Variants in ADAMTSL3 observed in about 807,000 individuals in gnomAD.
ADAMTSL3 encodes the protein ADAMTS-like protein 3.
A neutral mutation model predicts 201.7 loss-of-function variants in ADAMTSL3; 128 were observed. The observed-to-expected ratio is 0.63, with a 90% CI of 0.55 to 0.73. The LOEUF is 0.73. Ranked by LOEUF, ADAMTSL3 falls within the 30% of genes least tolerant of loss-of-function variation. The pLI is 0.00. For synonymous variants in ADAMTSL3, 738 were observed against 748.4 expected, an observed-to-expected ratio of 0.99 and a Z score of 0.23; for missense variants, 1,990 against 2,119.6, an observed-to-expected ratio of 0.94 and a Z score of 1.20.
chr15:83,669,799 C>T (rs2061303939), intron 2 of ADAMTSL3, among the ~76,000 whole-genome samples: 1 of 151,758 alleles, frequency 6.6e-6, no homozygotes, highest in African/African-American at 2.4e-5. Flanking sequence ...ATAATCTACT[C>T]TACTGTTGTG....
intron 4 of ADAMTSL3, among the ~76,000 whole-genome samples, chr15:83,782,228 G>C (rs1320573404): frequency 6.6e-6 from 1 of 152,150 alleles, no homozygotes; most frequent in East Asian, 1.9e-4. Context: ...TGTAATCCCA[G>C]CACTTTGGGA....
chr15:83,711,655 G>A (rs2141532705), intron 3 of ADAMTSL3, among the ~76,000 whole-genome samples: 1 of 152,376 alleles, frequency 6.6e-6, no homozygotes, highest in Middle Eastern at 3.4e-3. Context: ...CTTGTACTGT[G>A]TTCACAGTTC....
intron 19 of ADAMTSL3, among the ~76,000 whole-genome samples, chr15:83,946,915 A>G (rs1258589442): frequency 6.6e-6 from 1 of 152,168 alleles, no homozygotes; most frequent in African/African-American, 2.4e-5. Flanking sequence ...GGAAGCCCCT[A>G]TCTGGGAGGA....
At chr15:83,909,438 T>G (rs1240003662) in intron 15 of ADAMTSL3, among the ~76,000 whole-genome samples, 1 of 152,184 alleles carries the variant, frequency 6.6e-6, no homozygotes, top group Non-Finnish European at 1.5e-5. Context: ...TGAGCAGCTT[T>G]TCTGTTTCAT....
intron 7 of ADAMTSL3, among the ~76,000 whole-genome samples, chr15:83,845,361 A>G (rs528545455): frequency 6.6e-6 from 1 of 152,336 alleles, no homozygotes; most frequent in East Asian, 1.9e-4. Flanking sequence ...GAGCTCAGTT[A>G]ATGTTGAACA....
At chr15:83,708,456 A>C (rs1048578367) in intron 3 of ADAMTSL3, among the ~76,000 whole-genome samples, 9 of 152,336 alleles carry the variant, frequency 5.9e-5, no homozygotes, top group Non-Finnish European at 1.5e-5. Context: ...TGTAGGCTGC[A>C]TTTAATGGGA....
At chr15:83,756,939 T>A (rs2062731051) in intron 3 of ADAMTSL3, among the ~76,000 whole-genome samples, 1 of 152,208 alleles carries the variant, frequency 6.6e-6, no homozygotes, top group Non-Finnish European at 1.5e-5. Flanking sequence ...ATCTCTCACA[T>A]CCAGGTCACG....
intron 4 of ADAMTSL3, among the ~76,000 whole-genome samples, chr15:83,783,123 A>G (rs2063203071): frequency 6.9e-6 from 1 of 144,444 alleles, no homozygotes; most frequent in Admixed American, 7.3e-5. Context: ...AAAATTCAGA[A>G]GAGAGTAAAA....
At chr15:83,865,901 T>C (rs1283875957) in intron 8 of ADAMTSL3, among the ~76,000 whole-genome samples, 1 of 151,960 alleles carries the variant, frequency 6.6e-6, no homozygotes, top group Non-Finnish European at 1.5e-5. Flanking sequence ...TACAATGAAC[T>C]CAAACAAATT....
intron 4 of ADAMTSL3, among the ~76,000 whole-genome samples, chr15:83,790,498 A>G (rs994919682): frequency 1.3e-5 from 2 of 151,998 alleles, no homozygotes; most frequent in African/African-American, 2.4e-5. Flanking sequence ...GATCTTATCA[A>G]TTGATACAGA....
chr15:83,847,884 A>G (rs2064532032), intron 7 of ADAMTSL3, among the ~76,000 whole-genome samples: 1 of 152,072 alleles, frequency 6.6e-6, no homozygotes, highest in South Asian at 2.1e-4. Flanking sequence ...AGTTTACAAA[A>G]TGTTGTCACA....
intron 17 of ADAMTSL3, among the ~76,000 whole-genome samples, chr15:83,938,560 A>G (rs2066500895): frequency 6.6e-6 from 1 of 152,204 alleles, no homozygotes; most frequent in African/African-American, 2.4e-5. Flanking sequence ...CAGCGAAGAC[A>G]TTTAATTTTT....
At chr15:83,990,001 G>T (rs1449193995) in intron 22 of ADAMTSL3, among the ~76,000 whole-genome samples, 1 of 152,082 alleles carries the variant, frequency 6.6e-6, no homozygotes, top group Non-Finnish European at 1.5e-5. Context: ...GTTTTAAATA[G>T]GTCTCCTTGC....
At chr15:83,944,537 CAT>C (rs2066619863) in intron 19 of ADAMTSL3, among the ~76,000 whole-genome samples, 1 of 152,204 alleles carries the variant, frequency 6.6e-6, no homozygotes, top group African/African-American at 2.4e-5. Context: ...CTGCTCCTCT[CAT>C]ATCATCCTAC....
intron 25 of ADAMTSL3, among the ~76,000 whole-genome samples, chr15:84,021,011 C>A (rs1392271443): frequency 6.6e-6 from 1 of 152,204 alleles, no homozygotes; most frequent in African/African-American, 2.4e-5. Context: ...CTGCCTGATC[C>A]ACTTTTGAGA....
chr15:83,694,343 C>T (rs1377853776), intron 2 of ADAMTSL3: 1 of 152,144 alleles, frequency 6.6e-6, no homozygotes, highest in African/African-American at 2.4e-5. Context: ...GTGGCTAGAC[C>T]AGGAGGAGGG....
At chr15:84,009,329 T>G (rs1399760330) in intron 23 of ADAMTSL3, among the ~76,000 whole-genome samples, 1 of 152,224 alleles carries the variant, frequency 6.6e-6, no homozygotes, top group African/African-American at 2.4e-5. Flanking sequence ...GAATGTGTCC[T>G]GGACCAGTCT....
At chr15:83,840,594 G>A (rs2064353648) in intron 7 of ADAMTSL3, among the ~76,000 whole-genome samples, 1 of 152,092 alleles carries the variant, frequency 6.6e-6, no homozygotes, top group South Asian at 2.1e-4. Context: ...TAGGAGTGAG[G>A]GCTCAGAGAC....
At chr15:83,970,672 G>A (rs1435908232) in intron 20 of ADAMTSL3, 35 bp downstream of exon 20, 3 of 1,607,990 alleles carry the variant, frequency 1.9e-6, no homozygotes, top group South Asian at 1.1e-5. Context: ...ACCAAGATAT[G>A]CTGATTCTGT....
Sources: allele counts gnomAD v4.1 joint callset (sites outside exome capture counted in the v4.1 genomes callset), GRCh38; gene constraint gnomAD v4.1.1; transcripts MANE v1.5; gene names NCBI Gene and HGNC (gene_info 2026-07-23, HGNC 2026-07-21).